BRAT1: variants seen among roughly 807,000 people sequenced by gnomAD.
BRAT1 encodes the protein integrator complex assembly factor BRAT1.
A neutral mutation model predicts 70.6 loss-of-function variants in BRAT1; 74 were observed. The ratio of observed to expected loss-of-function variants is 1.05; its 90% CI spans 0.87 to 1.27. The LOEUF is 1.27. Among genes scored for constraint, BRAT1 ranks in the 50% most tolerant of loss-of-function variants. BRAT1 has a pLI of 0.00. For missense variants in BRAT1, 1,203 were observed against 1,098.2 expected (o/e 1.10, Z -1.35); for synonymous variants, 615 against 517.1 (o/e 1.19, Z -2.57).
At chr7:2,554,252 GC>G (rs1404415068) in intron 2 of BRAT1, 52 bp downstream of exon 2, 1 of 1,600,072 alleles carries the variant, frequency 6.2e-7, no homozygotes, top group Admixed American at 1.7e-5. Context: ...CCCTGTCCCA[GC>G]CTCTGCGTCT....
Position 2,543,827 on chromosome 7 carries a change from C to T in BRAT1, c.566G>A (p.Gly189Asp), listed in dbSNP as rs531827528. 13 of 1,612,492 alleles carry T rather than the reference C, an allele frequency of 8.1e-6. No individual in the cohort carries two copies. The East Asian group carries it at 8.9e-5, about 11-fold the overall frequency. ...GAEGQPCLPG[G>D]DWPACAQKIM... The stretch of plus-strand genomic sequence containing the variant: ...CTTCTGGGCACACGCGGGCCAGTCA[C>T]CCCCCGGCAGGCAGGGCTGCCCCTC... The change falls in exon 5 of 14, where the codon GGT becomes GAT. Residue 189 changes from glycine (G) to aspartate (D), a missense_variant. Physicochemically the swap from Gly to Asp is moderately conservative, Grantham distance 94. Transcript: ENST00000340611. This position sits in a 1 kb window ranked among gnomAD's most constrained non-coding sequence, Gnocchi z 5.5.
In BRAT1 at chr7:2,547,375, C is replaced by T. The variant is rs1227521250; in HGVS notation, c.231G>A (p.Leu77=). Residue 77 remains leucine, a synonymous_variant, in exon 3 of 14, where the codon CTG becomes CTA. Transcript: ENST00000340611. ...DLSSGVLSFS[L]RLAGTFAAQE... ...GGGCTGCGAAGGTTCCTGCCAGGCG[C>T]AGTGAGAAGGAGAGGACCCCAGAAC... 4 of 1,614,142 alleles carry T rather than the reference C, an allele frequency of 2.5e-6. No individual in the cohort carries two copies. Among genetic ancestry groups the T allele is most frequent in the South Asian group, 1.1e-5 (1 of 91,090 alleles).
At chr7:2,554,543 G>A (rs1186128722) in intron 1 of BRAT1, 96 bp from the exon 2 acceptor site, 4 of 1,418,594 alleles carry the variant, frequency 2.8e-6, no homozygotes, top group East Asian at 5.0e-5. Flanking sequence ...GGCCTGGGAA[G>A]GGGCCCCAGA....
chr7:2,551,498 C>G (rs1437868739), intron 2 of BRAT1, among the ~76,000 whole-genome samples: 1 of 151,318 alleles, frequency 6.6e-6, no homozygotes, highest in Non-Finnish European at 1.5e-5. Flanking sequence ...CCAAGCTGGC[C>G]TGGACAAGAT....
At position 2,547,330 on chromosome 7, in the gene BRAT1, A is replaced by T; in HGVS notation, c.276T>A (p.Tyr92Ter). 1 of 1,614,126 alleles carries T rather than the reference A, an allele frequency of 6.2e-7. No individual in the cohort carries two copies. The change falls in exon 3 of 14, where the codon TAT becomes TAA. Residue 92 changes from tyrosine (Y) to a stop codon, truncating the protein, a stop_gained. Coordinates refer to ENST00000340611, the MANE Select transcript of BRAT1 (RefSeq NM_152743.4). LOFTEE classifies it high-confidence loss of function. ...TGGGAGGCCCCAGGCTCACCTGAAG[A>T]TACTGGAAGCAGTTTTCCTGGGCTG... ...TFAAQENCFQYLQQGELLPGL... is the reference protein window; with the variant it reads ...TFAAQENCFQ
chr7:2,542,636 C>A (rs1367504703), intron 6 of BRAT1: 1 of 219,962 alleles, frequency 4.5e-6, no homozygotes, highest in Non-Finnish European at 9.3e-6. Context: ...CCTCCATCCT[C>A]CCCCGGTCTA....
intron 6 of BRAT1, 64 bp from the exon 7 acceptor site, chr7:2,542,275 AT>A: frequency 1.5e-6 from 2 of 1,353,710 alleles, no homozygotes; most frequent in Non-Finnish European, 2.1e-6. Context: ...TGTGCTCCTA[AT>A]GTCCCCAGCA....
intron 3 of BRAT1, among the ~76,000 whole-genome samples, chr7:2,546,424 T>C (rs970290110): frequency 9.9e-5 from 15 of 151,660 alleles, no homozygotes; most frequent in African/African-American, 3.6e-4. Context: ...AGAGCAGGAC[T>C]CTGTCTCTAA....
At chr7:2,538,913 G>A in intron 13 of BRAT1, 149 bp from the exon 14 acceptor site, 2 of 1,465,166 alleles carry the variant, frequency 1.4e-6, no homozygotes, top group Middle Eastern at 2.0e-4. Flanking sequence ...TGCGCAGTGA[G>A]CACACGGCCC....
chr7:2,538,979 G>A, intron 13 of BRAT1, 200 bp downstream of exon 13: 3 of 1,439,488 alleles, frequency 2.1e-6, no homozygotes, highest in Non-Finnish European at 2.7e-6. Context: ...TAAGTGGAGG[G>A]GTGCTGGGGA....
rs112755163 is a variant in BRAT1, at chr7:2,539,522, C to G, written c.1597+22G>C. 103 of 1,536,956 alleles carry G rather than the reference C, an allele frequency of 6.7e-5. 1 individual carries two copies. In the Middle Eastern group the frequency reaches 7.3e-4, roughly 11 times the overall value. ...GCCCCCCACAGGCGGGGAAGGCAGC[C>G]CCTCCACCTGCCAGCACTCACCTCC... On this transcript the variant is annotated intron_variant, in intron 12 of 13. Transcript: ENST00000340611.
intron 10 of BRAT1, chr7:2,540,268 T>C (rs1161013528): frequency 5.5e-6 from 1 of 181,672 alleles, no homozygotes; most frequent in African/African-American, 2.4e-5. Context: ...GATCTTGCTA[T>C]GTTGCCCAGG....
intron 2 of BRAT1, among the ~76,000 whole-genome samples, chr7:2,552,144 G>C (rs1780088864): frequency 1.3e-5 from 1 of 75,966 alleles, no homozygotes; most frequent in South Asian, 5.0e-4. Context: ...TGAGACAAGA[G>C]TCTCACTCCA....
In BRAT1 at chr7:2,541,729, G is replaced by C; in HGVS notation, c.1123C>G (p.Leu375Val). The C allele has an allele frequency of 6.2e-7, 1 of 1,608,724 alleles. No individual in the cohort carries two copies. ...CGGGCCGCACCTACCAGCGGCTGCA[G>C]CTCCTCCAGGTGAGCCAGGGTGCGG... ...LCRTLAHLEELQPLPQRPSPW... is the reference protein window; with the variant it reads ...LCRTLAHLEEVQPLPQRPSPW... Residue 375 changes from leucine to valine, a missense_variant, in exon 8 of 14, where the codon CTG becomes GTG. Leu to Val is a conservative substitution (Grantham distance 32). Coordinates refer to ENST00000340611, the MANE Select transcript of BRAT1 (RefSeq NM_152743.4).
At position 2,538,441 on chromosome 7, in the gene BRAT1, C is replaced by T. The variant is rs375314310; in HGVS notation, c.2094G>A (p.Val698=). Residue 698 remains valine, a synonymous_variant, in exon 14 of 14, where the codon GTG becomes GTA. Transcript: ENST00000340611. Reference sequence around the variant, plus strand: ...CACAAAAGGCGAAGTCAAAGAGCCCCACGTGGCAGAGAGCCCTCAGTGCCT... The same window carrying T: ...CACAAAAGGCGAAGTCAAAGAGCCCTACGTGGCAGAGAGCCCTCAGTGCCT... ...LTEALRALCH[V]GLFDFAFCAL... is the part of the protein sequence containing the mutation. The T allele has an allele frequency of 4.3e-6, 7 of 1,613,148 alleles. No individual in the cohort carries two copies. The highest frequency in any genetic ancestry group is 5.9e-6 in the Non-Finnish European group (7 of 1,179,964).
intron 2 of BRAT1, among the ~76,000 whole-genome samples, chr7:2,547,719 A>G (rs1030095606): frequency 6.6e-6 from 1 of 152,250 alleles, no homozygotes; most frequent in African/African-American, 2.4e-5. Flanking sequence ...CACCTTTCAC[A>G]ACAGGTGAAT....
chr7:2,554,067 A>T (rs1780231769), intron 2 of BRAT1, among the ~76,000 whole-genome samples: 1 of 152,196 alleles, frequency 6.6e-6, no homozygotes. Context: ...GGGTGCCCTG[A>T]TCGTGGCTCA....
Position 2,541,305 on chromosome 7 carries a change from C to A in BRAT1, c.1314G>T (p.Gln438His), listed in dbSNP as rs1366917458. The change falls in exon 9 of 14, where the codon CAG (glutamine) becomes CAT (histidine). Residue 438 changes from glutamine (Q) to histidine (H), a missense_variant. Coordinates refer to ENST00000340611, the MANE Select transcript of BRAT1 (RefSeq NM_152743.4). Reference sequence around the variant, plus strand: ...CGTACAGAACACACTCACCTGTCCCCTGTGACAGCGTCCCCAGGAAGTCGA... The same window carrying A: ...CGTACAGAACACACTCACCTGTCCCATGTGACAGCGTCCCCAGGAAGTCGA... The part of the protein sequence containing the change: ...AALDFLGTLS[Q>H]GTGPQELVTQ... The A allele has an allele frequency of 6.3e-7, 1 of 1,590,990 alleles. No individual in the cohort carries two copies.
At position 2,539,052 on chromosome 7, in the gene BRAT1, C is replaced by T. The variant is rs983441222; in HGVS notation, c.1770+127G>A. 2.7e-6 allele frequency: 4 copies of T among 1,461,100 alleles called. No homozygotes were observed. The Admixed American group carries it at 7.2e-5, about 26-fold the overall frequency. The allele number at this position is 1,461,100 out of a possible 1,614,324, so 90.5% of individuals were successfully genotyped here. A position where few individuals can be genotyped will look rare whatever the true frequency, so the allele number is the denominator to read the frequency against. On this transcript the variant is annotated intron_variant, in intron 13 of 13. Coordinates refer to ENST00000340611, the MANE Select transcript of BRAT1 (RefSeq NM_152743.4). ...AGCCCCAGGGCCTCGGCAGTCACTG[C>T]TGCAGGCGCTGCCCACAGCAGCAGC...
Sources: allele counts gnomAD v4.1 joint callset (sites outside exome capture counted in the v4.1 genomes callset), GRCh38; gene constraint gnomAD v4.1.1; non-coding constraint Gnocchi (gnomAD v3.1); transcripts MANE v1.5; gene names NCBI Gene and HGNC (gene_info 2026-07-23, HGNC 2026-07-21).